Variants in C8orf74 observed in about 807,000 individuals in gnomAD.
C8orf74 encodes chromosome 8 open reading frame 74.
A neutral mutation model predicts 22.2 loss-of-function variants in C8orf74; 29 were observed. The observed-to-expected ratio is 1.31, with a 90% CI of 0.97 to 1.78. C8orf74 has a LOEUF of 1.78. Among genes scored for constraint, C8orf74 ranks in the 40% most tolerant of loss-of-function variants. C8orf74 has a pLI of 0.00. For missense variants in C8orf74, 515 were observed against 369.9 expected, an observed-to-expected ratio of 1.39 and a Z score of -3.22; for synonymous variants, 255 against 163.1, an observed-to-expected ratio of 1.56 and a Z score of -4.30.
chr8:10,694,067 G>A (rs991913299), intron 2 of C8orf74, among the ~76,000 whole-genome samples: 16 of 152,132 alleles, frequency 1.1e-4, no homozygotes, highest in Admixed American at 2.0e-4. Flanking sequence ...CCTCACTCTG[G>A]GATGCAGCTC....
At chr8:10,695,623 G>C (rs1799474630) in intron 2 of C8orf74, among the ~76,000 whole-genome samples, 1 of 152,174 alleles carries the variant, frequency 6.6e-6, no homozygotes, top group African/African-American at 2.4e-5. Context: ...GACAGCCTCA[G>C]TGACCAGCCA....
At chr8:10,684,930 C>T (rs575871590) in intron 2 of C8orf74, among the ~76,000 whole-genome samples, 3 of 152,262 alleles carry the variant, frequency 2.0e-5, no homozygotes, top group South Asian at 2.1e-4. Flanking sequence ...CATCTGATAA[C>T]GGAGATAGCT....
In C8orf74 at chr8:10,700,556, A is replaced by C. The variant is rs562168827; in HGVS notation, c.*85A>C. 1.3e-6 allele frequency: 1 copy of C among 790,196 alleles called. No homozygotes were observed. Among genetic ancestry groups the C allele is most frequent in the Non-Finnish European group, 2.0e-6 (1 of 504,694 alleles). 48.9% of individuals were successfully genotyped at this position (790,196 alleles called of 1,614,324 possible). On this transcript the variant is annotated 3_prime_UTR_variant, in exon 4 of 4. Coordinates refer to ENST00000304519, the MANE Select transcript of C8orf74 (RefSeq NM_001040032.2). ...GCGGCACGGTGAGCTCAGCACCCAC[A>C]GAGAGACTTCTTGTGATTAAAAGAA...
At chr8:10,680,198 C>T (rs189058336) in intron 2 of C8orf74, among the ~76,000 whole-genome samples, 1 of 152,312 alleles carries the variant, frequency 6.6e-6, no homozygotes, top group Non-Finnish European at 1.5e-5. Context: ...ATGTGAGAGG[C>T]AGCAAACAGC....
chr8:10,678,408 G>C (rs1799077731), intron 2 of C8orf74, among the ~76,000 whole-genome samples: 2 of 152,122 alleles, frequency 1.3e-5, no homozygotes, highest in Non-Finnish European at 2.9e-5. Flanking sequence ...CTGGGAACTC[G>C]AGGGAGCAGG....
chr8:10,672,758 C>T (rs1273751596), intron 1 of C8orf74, 45 bp downstream of exon 1: 2 of 1,526,244 alleles, frequency 1.3e-6, no homozygotes, highest in African/African-American at 1.4e-5. Context: ...ACTGGCTCAT[C>T]CTGGGCACAT....
At chr8:10,693,723 C>T (rs1226257314) in intron 2 of C8orf74, among the ~76,000 whole-genome samples, 3 of 152,136 alleles carry the variant, frequency 2.0e-5, no homozygotes, top group Non-Finnish European at 2.9e-5. Flanking sequence ...GCCCACTGTC[C>T]CTCAAACATC....
intron 1 of C8orf74, among the ~76,000 whole-genome samples, chr8:10,673,363 G>A (rs1489135639): frequency 1.3e-5 from 2 of 152,108 alleles, no homozygotes; most frequent in African/African-American, 4.8e-5. Flanking sequence ...AGTAAAATGG[G>A]TTTTTACTTC....
intron 2 of C8orf74, 102 bp from the exon 3 acceptor site, chr8:10,697,497 T>C (rs2129059118): frequency 1.0e-6 from 1 of 957,642 alleles, no homozygotes; most frequent in East Asian, 2.4e-5. Context: ...AGTGGGGACA[T>C]GGGCTCTGTG....
chr8:10,690,745 C>T (rs1799362685), intron 2 of C8orf74: 2 of 404,562 alleles, frequency 4.9e-6, no homozygotes, highest in Non-Finnish European at 1.0e-5. Context: ...CACCGGAGCC[C>T]CCTGGTCCGA....
At chr8:10,685,002 C>T (rs1268623132) in intron 2 of C8orf74, among the ~76,000 whole-genome samples, 1 of 152,226 alleles carries the variant, frequency 6.6e-6, no homozygotes, top group Non-Finnish European at 1.5e-5. Context: ...AGGAGTGATC[C>T]ACTCCCCACA....
intron 1 of C8orf74, chr8:10,673,873 C>T (rs968591967): frequency 6.6e-6 from 1 of 152,112 alleles, no homozygotes; most frequent in African/African-American, 2.4e-5. Flanking sequence ...CCCTGCAACC[C>T]CCATATCACA....
At chr8:10,684,272 T>G (rs987266877) in intron 2 of C8orf74, among the ~76,000 whole-genome samples, 1 of 152,232 alleles carries the variant, frequency 6.6e-6, no homozygotes, top group East Asian at 1.9e-4. Flanking sequence ...CTTGAGACTT[T>G]CTGGCTGCAG....
chr8:10,695,109 T>A (rs1016076036), intron 2 of C8orf74, among the ~76,000 whole-genome samples: 1 of 150,950 alleles, frequency 6.6e-6, no homozygotes, highest in Non-Finnish European at 1.5e-5. Context: ...GGAAGGGGAA[T>A]GGAGAGATTT....
intron 2 of C8orf74, among the ~76,000 whole-genome samples, chr8:10,693,322 C>T (rs1799424017): frequency 6.6e-6 from 1 of 152,194 alleles, no homozygotes; most frequent in Admixed American, 6.5e-5. Flanking sequence ...TTTACTGCCT[C>T]CTCAGGGAAG....
intron 2 of C8orf74, chr8:10,692,685 A>G (rs1217976974): frequency 7.0e-6 from 1 of 143,040 alleles, no homozygotes; most frequent in African/African-American, 2.8e-5. Flanking sequence ...TTTTTTTTTT[A>G]TAGTGTTCGG....
At chr8:10,698,230 G>C (rs546752082) in intron 3 of C8orf74, among the ~76,000 whole-genome samples, 1 of 152,144 alleles carries the variant, frequency 6.6e-6, no homozygotes, top group African/African-American at 2.4e-5. Context: ...ATTTTAACTC[G>C]CCAAGGTCAC....
intron 2 of C8orf74, among the ~76,000 whole-genome samples, chr8:10,684,649 C>G (rs575882087): frequency 2.0e-5 from 3 of 152,356 alleles, no homozygotes; most frequent in Non-Finnish European, 4.4e-5. Flanking sequence ...TGGTACCACA[C>G]CCTATATCCA....
chr8:10,678,738 G>A (rs1302815059), intron 2 of C8orf74, among the ~76,000 whole-genome samples: 2 of 152,210 alleles, frequency 1.3e-5, no homozygotes, highest in Non-Finnish European at 2.9e-5. Context: ...CAGGCTGGCT[G>A]CAGTGGGGAG....
Sources: allele counts gnomAD v4.1 joint callset (sites outside exome capture counted in the v4.1 genomes callset), GRCh38; gene constraint gnomAD v4.1.1; transcripts MANE v1.5; gene names NCBI Gene and HGNC (gene_info 2026-07-23, HGNC 2026-07-21).